Variants in MYBPC1 observed in about 807,000 individuals in gnomAD.
MYBPC1 encodes myosin binding protein C1.
MYBPC1 carries 52 observed loss-of-function variants against 147.1 expected under a neutral mutation model. That is an observed-to-expected ratio of 0.35 (90% CI 0.28 to 0.45). The LOEUF is 0.45. Ranked by LOEUF, MYBPC1 falls within the 20% of genes least tolerant of loss-of-function variation. MYBPC1 has a pLI of 1.00. For synonymous variants in MYBPC1, 477 were observed against 475.9 expected, an observed-to-expected ratio of 1.00 and a Z score of -0.03; for missense variants, 1,228 against 1,440.3, an observed-to-expected ratio of 0.85 and a Z score of 2.39.
chr12:101,601,866 A>C (rs149814248), intron 1 of MYBPC1, among the ~76,000 whole-genome samples: 29 of 152,268 alleles, frequency 1.9e-4, no homozygotes, highest in African/African-American at 5.5e-4. Context: ...AATTTTAATG[A>C]ATCTTGGAAC....
intron 29 of MYBPC1, among the ~76,000 whole-genome samples, chr12:101,680,841 G>A (rs1950893314): frequency 6.6e-6 from 1 of 152,188 alleles, no homozygotes; most frequent in Non-Finnish European, 1.5e-5. Context: ...TGGTAAGAAT[G>A]AAAGGGGCTA....
At chr12:101,611,254 C>T (rs1884189307) in intron 1 of MYBPC1, among the ~76,000 whole-genome samples, 3 of 152,170 alleles carry the variant, frequency 2.0e-5, no homozygotes, top group Admixed American at 2.0e-4. Flanking sequence ...CTATTCATGA[C>T]CAATATTTTG....
At chr12:101,689,554 G>GC (rs1951389387), downstream of MYBPC1, among the ~76,000 whole-genome samples, 1 of 152,028 alleles carries the variant, frequency 6.6e-6, no homozygotes, top group South Asian at 2.1e-4. Context: ...CAGAGGAACA[G>GC]CGAGTAGGAG....
At chr12:101,676,635 C>A (rs1900052691) in intron 26 of MYBPC1, among the ~76,000 whole-genome samples, 1 of 152,002 alleles carries the variant, frequency 6.6e-6, no homozygotes, top group African/African-American at 2.4e-5. Context: ...CCTGTAGTCC[C>A]AGTTACTCGG....
intron 3 of MYBPC1, among the ~76,000 whole-genome samples, chr12:101,625,642 G>A (rs558427476): frequency 7.9e-5 from 12 of 152,246 alleles, no homozygotes; most frequent in East Asian, 5.8e-4. Flanking sequence ...CAATACCGAC[G>A]TTCTTTTTCT....
chr12:101,635,044 CA>C (rs1301843228), intron 9 of MYBPC1, among the ~76,000 whole-genome samples: 1 of 152,128 alleles, frequency 6.6e-6, no homozygotes, highest in African/African-American at 2.4e-5. Flanking sequence ...CCAAGAAAAC[CA>C]CAACCAAGTA....
At chr12:101,687,260 T>C (rs188473822), downstream of MYBPC1, among the ~76,000 whole-genome samples, 331 of 152,144 alleles carry the variant, frequency 2.2e-3, no homozygotes, top group African/African-American at 7.8e-3. Flanking sequence ...TGTGTGATGT[T>C]CCCCTTCCTG....
At chr12:101,693,492 G>A in the MYBPC1 span, among the ~76,000 whole-genome samples, 3 of 152,118 alleles carry the variant, frequency 2.0e-5, no homozygotes, top group Admixed American at 1.3e-4. Context: ...TGTAGTCCCA[G>A]CATTTTAGGA....
At chr12:101,648,187 G>GA in intron 14 of MYBPC1, 37 bp downstream of exon 14, 1 of 1,462,032 alleles carries the variant, frequency 6.8e-7, no homozygotes, top group East Asian at 2.4e-5. Context: ...ATGTTTAATA[G>GA]ACAAAAAAAT....
At position 101,647,603 on chromosome 12, in the gene MYBPC1, C is replaced by A. The variant is rs576956833; in HGVS notation, c.1091-442C>A. 3.0e-5 allele frequency among the ~76,000 whole-genome samples: 4 copies of A among 133,512 alleles called. No individual in the cohort carries two copies. In the East Asian group the frequency reaches 8.8e-4, roughly 29 times the overall value. 87.6% of individuals were successfully genotyped at this position (133,512 alleles called of 152,430 possible). A position where few individuals can be genotyped will look rare whatever the true frequency, so the allele number is the denominator to read the frequency against. ...AAACAAAACAAAACAAAACAAAACT[C>A]ACAGACAGCCACAGTGGCTCATGTC... is the stretch of plus-strand genomic sequence containing the variant. On this transcript the variant is annotated intron_variant, in intron 13 of 31. Transcript: ENST00000361466.
At chr12:101,604,367 A>G (rs1241682580) in intron 1 of MYBPC1, among the ~76,000 whole-genome samples, 1 of 152,248 alleles carries the variant, frequency 6.6e-6, no homozygotes, top group African/African-American at 2.4e-5. Flanking sequence ...GAATATTTAC[A>G]TGATCAAGGT....
At chr12:101,620,561 C>G (rs747326835) in intron 3 of MYBPC1, among the ~76,000 whole-genome samples, 1 of 151,996 alleles carries the variant, frequency 6.6e-6, no homozygotes, top group Non-Finnish European at 1.5e-5. Flanking sequence ...TAGGGAATAA[C>G]GTGGGTGATC....
intron 4 of MYBPC1, among the ~76,000 whole-genome samples, chr12:101,627,528 C>A (rs982869213): frequency 6.6e-6 from 1 of 152,136 alleles, no homozygotes; most frequent in African/African-American, 2.4e-5. Flanking sequence ...CAGGCATGAA[C>A]CACCGCCCCC....
rs567501711 is a variant in MYBPC1, at chr12:101,638,908, T to C, written c.665+2180T>C. 3.4e-4 allele frequency among the ~76,000 whole-genome samples: 52 copies of C among 152,298 alleles called. No homozygotes were observed. The South Asian group carries it at 0.011, about 31-fold the overall frequency. ...AGTATACTATACTAATCCACTAATA[T>C]AACTTTAGAAATCATTGTGTTTTCC... On this transcript the variant is annotated intron_variant, in intron 10 of 31. Transcript: ENST00000361466.
chr12:101,664,246 G>A (rs1897063567), intron 22 of MYBPC1, among the ~76,000 whole-genome samples: 2 of 151,956 alleles, frequency 1.3e-5, no homozygotes, highest in South Asian at 2.1e-4. Context: ...AGAAAATATG[G>A]GCCAGAATTA....
chr12:101,675,546 A>G lies in MYBPC1; in HGVS notation c.2949+115A>G, dbSNP rs1899768378. 18 of 1,474,390 alleles carry G rather than the reference A, an allele frequency of 1.2e-5. No homozygotes were observed. In the Admixed American group the frequency reaches 1.9e-4, roughly 15 times the overall value. The allele number at this position is 1,474,390 out of a possible 1,614,324, so 91.3% of individuals were successfully genotyped here. On this transcript the variant is annotated intron_variant, in intron 26 of 31. Coordinates refer to ENST00000361466, the MANE Select transcript of MYBPC1 (RefSeq NM_002465.4). Reference sequence around the variant, plus strand: ...AGCCAACTGGGGCTATGGAGAAGTGATGTGGCAGAGCAGAAAGGAAAAGAC... The same window carrying G: ...AGCCAACTGGGGCTATGGAGAAGTGGTGTGGCAGAGCAGAAAGGAAAAGAC...
intron 10 of MYBPC1, 179 bp downstream of exon 10, chr12:101,636,907 T>C (rs1891093653): frequency 5.0e-6 from 3 of 601,262 alleles, no homozygotes; most frequent in Non-Finnish European, 5.9e-6. Flanking sequence ...TACTAATCTT[T>C]TAAAGCCTTT....
At chr12:101,676,040 G>A (rs1276911037) in intron 26 of MYBPC1, among the ~76,000 whole-genome samples, 1 of 152,182 alleles carries the variant, frequency 6.6e-6, no homozygotes, top group Admixed American at 6.5e-5. Context: ...TTTGAATGCA[G>A]CCCAACACAT....
chr12:101,647,576 G>GAAAACAAAAC (rs76794158), intron 13 of MYBPC1, among the ~76,000 whole-genome samples: 19,628 of 151,854 alleles, frequency 0.13, 1,545 homozygotes, highest in Middle Eastern at 0.26. Flanking sequence ...AACAGACATA[G>GAAAACAAAAC]AAAACAAAAC....
Sources: gnomAD v4.1 joint callset for allele counts (sites outside exome capture counted in the v4.1 genomes callset) on GRCh38, gnomAD v4.1.1 for gene constraint, MANE v1.5 for transcripts, NCBI Gene and HGNC (gene_info 2026-07-23, HGNC 2026-07-21) for gene names.